The following NALF1 variants were observed in gnomAD, a reference collection of about 807,000 sequenced individuals.
The protein encoded by NALF1 is family with sequence similarity 155 member A.
In NALF1, 3 loss-of-function variants were observed where a neutral mutation model predicts 48.4. The observed-to-expected ratio is 0.06, with a 90% CI of 0.03 to 0.16. NALF1 has a LOEUF of 0.16. Ranked by LOEUF, NALF1 falls within the 10% of genes least tolerant of loss-of-function variation. The probability of loss-of-function intolerance (pLI) is 1.00; values close to 1 mark genes in which losing one functional copy is unlikely to be tolerated. For missense variants in NALF1, 526 were observed against 571.5 expected, an observed-to-expected ratio of 0.92 and a Z score of 0.81; for synonymous variants, 262 against 245.7, an observed-to-expected ratio of 1.07 and a Z score of -0.62.
chr13:107,851,168 C>T (rs1473177323), intron 1 of NALF1, among the ~76,000 whole-genome samples: 1 of 152,090 alleles, frequency 6.6e-6, no homozygotes, highest in East Asian at 1.9e-4. Context: ...CTTTCAATGT[C>T]GTCTGAATTT....
At chr13:107,471,297 A>G (rs1363201463) in intron 1 of NALF1, among the ~76,000 whole-genome samples, 2 of 152,138 alleles carry the variant, frequency 1.3e-5, no homozygotes, top group East Asian at 3.8e-4. Flanking sequence ...TATCTACCAT[A>G]TTTCTTAAAA....
At chr13:107,550,613 C>A (rs1877266394) in intron 1 of NALF1, among the ~76,000 whole-genome samples, 1 of 152,090 alleles carries the variant, frequency 6.6e-6, no homozygotes, top group Non-Finnish European at 1.5e-5. Flanking sequence ...TTCATTGTAG[C>A]ACTTCTTGAA....
chr13:107,343,044 A>G (rs182186667), intron 1 of NALF1, among the ~76,000 whole-genome samples: 1 of 152,340 alleles, frequency 6.6e-6, no homozygotes, highest in East Asian at 1.9e-4. Flanking sequence ...AGACATGTAT[A>G]AAACACTCTA....
Position 107,448,863 on chromosome 13 carries a change from G to T in NALF1, c.916-238108C>A, listed in dbSNP as rs76673681. ...GGTACCACTTTTCTCAAGCTGATGT[G>T]AGAGGAGCTGACGGGACTTTTGCTA... On this transcript the variant is annotated intron_variant, in intron 1 of 2. Transcript: ENST00000375915. Among the ~76,000 whole-genome samples the T allele has an allele frequency of 6.4e-4, 98 of 152,308 alleles. 2 individuals carry two copies. The East Asian group carries it at 0.017, about 26-fold the overall frequency.
chr13:107,840,476 C>T lies in NALF1; in HGVS notation c.915+25206G>A, dbSNP rs538350694. Among the ~76,000 whole-genome samples, 16 of 152,310 alleles carry T rather than the reference C, an allele frequency of 1.1e-4. No individual in the cohort carries two copies. In the South Asian group the frequency reaches 2.9e-3, roughly 28 times the overall value. ...TCAAGGTTCAAGGTGTCTGCTGGAGCTCCTGAACATTACACTTGCATTTCA... is the reference window on the plus strand; with the variant it reads ...TCAAGGTTCAAGGTGTCTGCTGGAGTTCCTGAACATTACACTTGCATTTCA... On this transcript the variant is annotated intron_variant, in intron 1 of 2. Transcript: ENST00000375915.
intron 1 of NALF1, among the ~76,000 whole-genome samples, chr13:107,230,938 T>C (rs1449451674): frequency 2.0e-5 from 3 of 150,924 alleles, no homozygotes. Flanking sequence ...TGTATGCCTA[T>C]AATCCCAGCT....
intron 1 of NALF1, among the ~76,000 whole-genome samples, chr13:107,424,530 C>G (rs1180741969): frequency 6.6e-6 from 1 of 152,066 alleles, no homozygotes; most frequent in African/African-American, 2.4e-5. Context: ...AGCTGCATAC[C>G]TACCTCTGCT....
At chr13:107,861,988 A>G (rs996141386) in intron 1 of NALF1, among the ~76,000 whole-genome samples, 7 of 152,250 alleles carry the variant, frequency 4.6e-5, no homozygotes, top group African/African-American at 1.7e-4. Flanking sequence ...TTATATAAAA[A>G]TAAGCAATAT....
chr13:107,754,121 T>C (rs1457897728), intron 1 of NALF1, among the ~76,000 whole-genome samples: 1 of 152,204 alleles, frequency 6.6e-6, no homozygotes, highest in African/African-American at 2.4e-5. Context: ...CTAGGTGTGA[T>C]ACAAATAAGT....
At chr13:107,739,594 T>A (rs1456785455) in intron 1 of NALF1, among the ~76,000 whole-genome samples, 1 of 151,872 alleles carries the variant, frequency 6.6e-6, no homozygotes, top group African/African-American at 2.4e-5. Flanking sequence ...CATGGACAAA[T>A]ACACGGACTA....
chr13:107,271,793 TATATATATATATATATATATA>T (rs1881174107), intron 1 of NALF1, among the ~76,000 whole-genome samples: 5 of 126,362 alleles, frequency 4.0e-5, no homozygotes, highest in African/African-American at 1.2e-4. Flanking sequence ...TATATATATA[TATATATATATATATATATATA>T]TATTTATATA....
intron 1 of NALF1, among the ~76,000 whole-genome samples, chr13:107,588,810 T>C (rs1357795446): frequency 6.6e-6 from 1 of 151,956 alleles, no homozygotes; most frequent in Non-Finnish European, 1.5e-5. Context: ...AGTGAATAAA[T>C]GCGGGGGAAA....
intron 1 of NALF1, among the ~76,000 whole-genome samples, chr13:107,397,001 A>G (rs9587368): frequency 0.63 from 95,473 of 152,120 alleles, 30,024 homozygotes; most frequent in African/African-American, 0.66. Flanking sequence ...AGGAAGCAAG[A>G]TGGCCTGGAG....
rs191090077 is a variant in NALF1, at chr13:107,757,210, T to C, written c.915+108472A>G. ...ACAGGAAGGTGTGAAAAGTGTATGA[T>C]ATATCTGGCAAAGTGAGGTCAACTC... On this transcript the variant is annotated intron_variant, in intron 1 of 2. Transcript: ENST00000375915. 2.1e-4 allele frequency among the ~76,000 whole-genome samples: 32 copies of C among 152,230 alleles called. No individual in the cohort carries two copies. In the East Asian group the frequency reaches 4.6e-3, roughly 22 times the overall value.
chr13:107,468,506 G>C (rs1458824994), intron 1 of NALF1, among the ~76,000 whole-genome samples: 2 of 152,180 alleles, frequency 1.3e-5, no homozygotes, highest in African/African-American at 4.8e-5. Context: ...CTTCAATTGT[G>C]TGCAAGTTGC....
chr13:107,721,270 G>C (rs546235704), intron 1 of NALF1, among the ~76,000 whole-genome samples: 6 of 152,164 alleles, frequency 3.9e-5, no homozygotes, highest in African/African-American at 1.4e-4. Flanking sequence ...AATGATACCG[G>C]TTCCTAGGGG....
At chr13:107,288,081 A>C (rs1269939193) in intron 1 of NALF1, among the ~76,000 whole-genome samples, 2 of 152,078 alleles carry the variant, frequency 1.3e-5, no homozygotes, top group Admixed American at 6.5e-5. Context: ...TCCTTATTTT[A>C]GTTATTAAAA....
At position 107,164,496 on chromosome 13, in the gene NALF1, T is replaced by C. The variant is rs1034354061; in HGVS notation, c.*6001A>G. 2.9e-5 allele frequency: 4 copies of C among 137,398 alleles called. No individual in the cohort carries two copies. The highest frequency in any genetic ancestry group is 1.0e-4 in the African/African-American group (4 of 39,956). The allele number at this position is 137,398 out of a possible 1,614,324, so 8.5% of individuals were successfully genotyped here. A position where few individuals can be genotyped will look rare whatever the true frequency, so the allele number is the denominator to read the frequency against. ...GGAATTCAGAGGCATCAAATATTTA[T>C]ATATATTTTTTGATCTATGAGTGCC... On this transcript the variant is annotated 3_prime_UTR_variant, in exon 3 of 3. Transcript: ENST00000375915.
chr13:107,260,362 T>C (rs1279908293), intron 1 of NALF1, among the ~76,000 whole-genome samples: 1 of 152,248 alleles, frequency 6.6e-6, no homozygotes, highest in East Asian at 1.9e-4. Flanking sequence ...CTGCCATCAT[T>C]TGTAACACAG....
Sources: allele counts gnomAD v4.1 joint callset (sites outside exome capture counted in the v4.1 genomes callset), GRCh38; gene constraint gnomAD v4.1.1; transcripts MANE v1.5; gene names NCBI Gene and HGNC (gene_info 2026-07-23, HGNC 2026-07-21).